Variants in GRHL2 observed in about 807,000 individuals in gnomAD.
GRHL2 encodes the protein grainyhead like transcription factor 2.
Under a neutral mutation model 83.8 loss-of-function variants are expected in GRHL2, and 21 were observed. That is an observed-to-expected ratio of 0.25 (90% CI 0.18 to 0.36). The LOEUF (loss-of-function observed/expected upper bound fraction) is 0.36. Among genes scored for constraint, GRHL2 ranks in the 10% least tolerant of loss-of-function variants. GRHL2 has a pLI of 1.00. For missense variants in GRHL2, 623 were observed against 781.8 expected (o/e 0.80, Z 2.42); for synonymous variants, 280 against 278.9 (o/e 1.00, Z -0.04).
intron 14 of GRHL2, among the ~76,000 whole-genome samples, chr8:101,652,186 C>T (rs146850145): frequency 7.3e-4 from 111 of 151,312 alleles, no homozygotes; most frequent in African/African-American, 2.5e-3. Context: ...TACTAGTGCA[C>T]GACACTTTAC....
chr8:101,642,577 A>G (rs537937338), intron 12 of GRHL2, among the ~76,000 whole-genome samples: 7 of 152,160 alleles, frequency 4.6e-5, no homozygotes, highest in Non-Finnish European at 1.0e-4. Context: ...TGCTTTTACG[A>G]CAAGGTAGTA....
rs80293076 is a variant in GRHL2, at chr8:101,630,334, C to T, written c.1258-1303C>T. Among the ~76,000 whole-genome samples the T allele has an allele frequency of 4.2e-3, 646 of 152,110 alleles. 5 individuals are homozygous for T. Among genetic ancestry groups the T allele is most frequent in the African/African-American group, 0.014 (599 of 41,524 alleles). ...TTTGTAATAATTCAAACCATTTGTG[C>T]GTCTTTTTCTGTGAATTGCCTATTT... On this transcript the variant is annotated intron_variant, in intron 9 of 15. Coordinates refer to ENST00000646743, the MANE Select transcript of GRHL2 (RefSeq NM_024915.4).
intron 7 of GRHL2, among the ~76,000 whole-genome samples, chr8:101,588,841 C>T (rs766210887): frequency 6.6e-6 from 1 of 152,208 alleles, no homozygotes; most frequent in Non-Finnish European, 1.5e-5. Context: ...TCTTATAGAA[C>T]AGACATTCTT....
intron 7 of GRHL2, among the ~76,000 whole-genome samples, chr8:101,581,531 T>G (rs1812052731): frequency 6.6e-6 from 1 of 152,242 alleles, no homozygotes; most frequent in Admixed American, 6.5e-5. Flanking sequence ...TCTGCTTAAA[T>G]TAAATTTGTC....
Position 101,646,530 on chromosome 8 carries a change from G to T in GRHL2, c.1612+2305G>T, listed in dbSNP as rs529918993. 4.2e-4 allele frequency among the ~76,000 whole-genome samples: 64 copies of T among 152,326 alleles called. No homozygotes were observed. The South Asian group carries it at 0.013, about 31-fold the overall frequency. On this transcript the variant is annotated intron_variant, in intron 13 of 15. Transcript: ENST00000646743. Reference sequence around the variant, plus strand: ...TTTTTCTTTGGAAAAGGTCAGTGGGGTTACTGGGCCCCTTGCTTGGAGCAT... The same window carrying T: ...TTTTTCTTTGGAAAAGGTCAGTGGGTTTACTGGGCCCCTTGCTTGGAGCAT...
rs540178488 is a variant in GRHL2 at position 101,514,499 on chromosome 8, G to T, written c.20+21710G>T. Among the ~76,000 whole-genome samples the T allele has an allele frequency of 2.0e-5, 3 of 152,290 alleles. No homozygotes were observed. The South Asian group carries it at 6.2e-4, about 32-fold the overall frequency. On this transcript the variant is annotated intron_variant, in intron 1 of 15. Coordinates refer to ENST00000646743, the MANE Select transcript of GRHL2 (RefSeq NM_024915.4). ...GAGAGGTACCCAGCAGTCTAAGAAAGCTTCCTCAAAGCCCTAGGAGTCCTT... is the reference window on the plus strand; with the variant it reads ...GAGAGGTACCCAGCAGTCTAAGAAATCTTCCTCAAAGCCCTAGGAGTCCTT...
intron 4 of GRHL2, among the ~76,000 whole-genome samples, chr8:101,563,288 C>T (rs568030589): frequency 6.6e-6 from 1 of 152,258 alleles, no homozygotes; most frequent in Admixed American, 6.5e-5. Context: ...CTCAATAGTT[C>T]CATTGCTTAA....
chr8:101,638,177 AG>A lies in GRHL2; in HGVS notation c.1517+1252del, dbSNP rs113597477. On this transcript the variant is annotated intron_variant, in intron 12 of 15. Transcript: ENST00000646743. ...TTTTTCTTCAAACTACAGTCAAACC[AG>A]GGCTTCCCTATTCTTATATAATTAA... 6.0e-3 allele frequency among the ~76,000 whole-genome samples: 911 copies of A among 152,334 alleles called. 8 individuals are homozygous for A. The highest frequency in any genetic ancestry group is 0.02 in the African/African-American group (819 of 41,578).
intron 14 of GRHL2, among the ~76,000 whole-genome samples, chr8:101,655,968 C>T (rs985316756): frequency 6.6e-6 from 1 of 152,220 alleles, no homozygotes; most frequent in African/African-American, 2.4e-5. Flanking sequence ...TTTGCACTTG[C>T]TGTTCCCTCT....
At chr8:101,653,271 A>G (rs1211268684) in intron 14 of GRHL2, among the ~76,000 whole-genome samples, 2 of 152,228 alleles carry the variant, frequency 1.3e-5, no homozygotes, top group Admixed American at 1.3e-4. Flanking sequence ...TTAACAGCTG[A>G]AAGTTATATA....
Position 101,587,904 on chromosome 8 carries a change from G to T in GRHL2, c.1003+10385G>T, listed in dbSNP as rs148249682. Among the ~76,000 whole-genome samples, 1,051 of 152,318 alleles carry T rather than the reference G, an allele frequency of 6.9e-3. 17 individuals are homozygous for T. Among genetic ancestry groups the T allele is most frequent in the African/African-American group, 0.023 (970 of 41,584 alleles). Reference sequence around the variant, plus strand: ...ATATATGTCTTTGTAACATCCACAAGAGTGAAATTAGGCAAATTTAAAGTT... The same window carrying T: ...ATATATGTCTTTGTAACATCCACAATAGTGAAATTAGGCAAATTTAAAGTT... On this transcript the variant is annotated intron_variant, in intron 7 of 15. Transcript: ENST00000646743.
At chr8:101,498,622 G>A (rs1482618405) in intron 1 of GRHL2, among the ~76,000 whole-genome samples, 2 of 152,142 alleles carry the variant, frequency 1.3e-5, no homozygotes, top group African/African-American at 4.8e-5. Context: ...GGCCTACAGC[G>A]AGGGTCTGTT....
At chr8:101,502,959 A>G (rs1045897676) in intron 1 of GRHL2, among the ~76,000 whole-genome samples, 1 of 152,170 alleles carries the variant, frequency 6.6e-6, no homozygotes, top group Non-Finnish European at 1.5e-5. Context: ...TTCAGAAGAG[A>G]TTTCAAATAA....
At chr8:101,672,335 T>A (rs1376437288), downstream of GRHL2, among the ~76,000 whole-genome samples, 6 of 151,478 alleles carry the variant, frequency 4.0e-5, no homozygotes, top group African/African-American at 1.5e-4. Flanking sequence ...ATAACTAGAA[T>A]AACCAATGCA....
At chr8:101,573,040 A>C (rs553096775) in intron 5 of GRHL2, among the ~76,000 whole-genome samples, 2 of 152,250 alleles carry the variant, frequency 1.3e-5, no homozygotes, top group Non-Finnish European at 2.9e-5. Flanking sequence ...GATTTGGCCT[A>C]TGGGCCATCA....
At position 101,669,367 on chromosome 8, in the gene GRHL2, A is replaced by C. The variant is rs1042719662; in HGVS notation, c.*2664A>C. On this transcript the variant is annotated 3_prime_UTR_variant, in exon 16 of 16. Coordinates refer to ENST00000646743, the MANE Select transcript of GRHL2 (RefSeq NM_024915.4). The stretch of plus-strand genomic sequence containing the variant: ...TTTGTTTAGAAGTTCGGACCAACAG[A>C]AAAATGCAGTCAGATGTCATCTTGG... 59 of 151,118 alleles carry C rather than the reference A, an allele frequency of 3.9e-4. No homozygotes were observed. Among genetic ancestry groups the C allele is most frequent in the African/African-American group, 1.4e-3 (59 of 41,154 alleles). The allele number at this position is 151,118 out of a possible 1,614,324, so 9.4% of individuals were successfully genotyped here.
intron 8 of GRHL2, among the ~76,000 whole-genome samples, chr8:101,605,924 T>C (rs1310883080): frequency 6.6e-6 from 1 of 152,236 alleles, no homozygotes; most frequent in East Asian, 1.9e-4. Flanking sequence ...TTCCCTGGCA[T>C]CCTGAATTTC....
At chr8:101,672,162 G>A (rs865938544), downstream of GRHL2, among the ~76,000 whole-genome samples, 2 of 151,846 alleles carry the variant, frequency 1.3e-5, no homozygotes, top group Middle Eastern at 3.4e-3. Context: ...CTCCTCCAAA[G>A]GAATGCAGCT....
rs1811543021 is a variant in GRHL2, at chr8:101,558,809, A to G, written c.675A>G (p.Thr225=). ...TYSESFKDAA[T]EKFRSASVGA... is the part of the protein sequence containing the mutation. ...GCGAGAGCTTCAAGGACGCAGCCAC[A>G]GAGGTGAGTCCCAGGCTCCATCGAC... Residue 225 remains threonine (T), a synonymous_variant, in exon 4 of 16, where the codon ACA becomes ACG. Coordinates refer to ENST00000646743, the MANE Select transcript of GRHL2 (RefSeq NM_024915.4). 2.1e-5 allele frequency: 34 copies of G among 1,614,032 alleles called. No individual in the cohort carries two copies. Among genetic ancestry groups the G allele is most frequent in the Non-Finnish European group, 2.8e-5 (33 of 1,179,952 alleles).
Sources: allele counts gnomAD v4.1 joint callset (sites outside exome capture counted in the v4.1 genomes callset), GRCh38; gene constraint gnomAD v4.1.1; transcripts MANE v1.5; gene names NCBI Gene and HGNC (gene_info 2026-07-23, HGNC 2026-07-21).